Variants in ATP11A observed in about 807,000 individuals in gnomAD.
ATP11A encodes ATPase phospholipid transporting 11A.
A neutral mutation model predicts 154.4 loss-of-function variants in ATP11A; 81 were observed. That is an observed-to-expected ratio of 0.52 (90% CI 0.44 to 0.63). The LOEUF (loss-of-function observed/expected upper bound fraction) is 0.63. Among genes scored for constraint, ATP11A ranks in the 30% least tolerant of loss-of-function variants. The probability of loss-of-function intolerance (pLI) is 0.00; values close to 1 mark genes in which losing one functional copy is unlikely to be tolerated. For synonymous variants in ATP11A, 623 were observed against 585.9 expected (o/e 1.06, Z -0.91); for missense variants, 1,316 against 1,474.3 (o/e 0.89, Z 1.76).
chr13:112,871,532 G>A (rs1177473272), intron 25 of ATP11A, among the ~76,000 whole-genome samples: 1 of 152,102 alleles, frequency 6.6e-6, no homozygotes, highest in African/African-American at 2.4e-5. Context: ...AGATGCAGCC[G>A]GGAAATGGGG....
intron 1 of ATP11A, among the ~76,000 whole-genome samples, chr13:112,713,251 T>G (rs1887971017): frequency 2.6e-5 from 4 of 152,100 alleles, no homozygotes. Flanking sequence ...AAAAATTTGC[T>G]GGGCATGGTG....
chr13:112,855,505 A>T (rs1376878804), intron 19 of ATP11A, among the ~76,000 whole-genome samples: 1 of 152,172 alleles, frequency 6.6e-6, no homozygotes, highest in Non-Finnish European at 1.5e-5. Context: ...CCCAGCAAAG[A>T]GGAGATTATG....
chr13:112,778,655 C>CGCTGGAGTGAGGAGTAGCT (rs2077408256), intron 1 of ATP11A, among the ~76,000 whole-genome samples: 2 of 147,832 alleles, frequency 1.4e-5, no homozygotes, highest in Admixed American at 6.7e-5. Flanking sequence ...GAGGAGTAGC[C>CGCTGGAGTGAGGAGTAGCT]GCTGGAGTGA....
At chr13:112,803,787 C>CCTTCTCTCATTCCCCT in intron 2 of ATP11A, among the ~76,000 whole-genome samples, 1 of 112,932 alleles carries the variant, frequency 8.9e-6, no homozygotes, top group East Asian at 2.7e-4. Flanking sequence ...TCCCTCCCCT[C>CCTTCTCTCATTCCCCT]CCTGCCTTAC....
intron 1 of ATP11A, among the ~76,000 whole-genome samples, chr13:112,712,579 G>T (rs1166585634): frequency 1.3e-5 from 2 of 152,264 alleles, no homozygotes; most frequent in East Asian, 1.9e-4. Flanking sequence ...TCTCTACTGT[G>T]GGTGATGGTC....
chr13:112,736,496 A>AG (rs1891016072), intron 1 of ATP11A, among the ~76,000 whole-genome samples: 1 of 152,174 alleles, frequency 6.6e-6, no homozygotes. Context: ...CTACAATATA[A>AG]GGGGGCCTGA....
chr13:112,759,374 G>A (rs1008121090), intron 1 of ATP11A, among the ~76,000 whole-genome samples: 3 of 152,202 alleles, frequency 2.0e-5, no homozygotes, highest in African/African-American at 7.2e-5. Flanking sequence ...GCAGAGTCCG[G>A]AGACTTCTGA....
At chr13:112,822,520 AGAGT>A (rs2078825081) in intron 8 of ATP11A, among the ~76,000 whole-genome samples, 1 of 152,128 alleles carries the variant, frequency 6.6e-6, no homozygotes, top group Non-Finnish European at 1.5e-5. Flanking sequence ...ATGGCCAGAT[AGAGT>A]ATCAGCCTTT....
At chr13:112,876,639 C>A (rs552031660) in intron 28 of ATP11A, among the ~76,000 whole-genome samples, 1 of 152,216 alleles carries the variant, frequency 6.6e-6, no homozygotes, top group African/African-American at 2.4e-5. Flanking sequence ...GTTTCATCCC[C>A]GAAATTTCCA....
intron 1 of ATP11A, among the ~76,000 whole-genome samples, chr13:112,711,747 T>G (rs1209822433): frequency 6.6e-6 from 1 of 152,220 alleles, no homozygotes; most frequent in Admixed American, 6.5e-5. Flanking sequence ...CAGGCTTGAA[T>G]TGCTAGTGTT....
chr13:112,748,715 G>A (rs1457622711), intron 1 of ATP11A, among the ~76,000 whole-genome samples: 5 of 152,152 alleles, frequency 3.3e-5, no homozygotes, highest in Admixed American at 2.6e-4. Flanking sequence ...CTGTTAATCC[G>A]AAATAAGCAA....
intron 1 of ATP11A, among the ~76,000 whole-genome samples, chr13:112,705,684 A>T (rs1371939290): frequency 6.6e-6 from 1 of 152,228 alleles, no homozygotes; most frequent in Non-Finnish European, 1.5e-5. Context: ...GCAGGTGTCG[A>T]CTGCCCCTTT....
intron 1 of ATP11A, among the ~76,000 whole-genome samples, chr13:112,761,431 A>G (rs557702559): frequency 6.6e-5 from 10 of 152,158 alleles, no homozygotes; most frequent in Non-Finnish European, 1.3e-4. Context: ...GTTCTATTTT[A>G]TTATTAGTTA....
At chr13:112,743,212 C>T (rs1226745513) in intron 1 of ATP11A, among the ~76,000 whole-genome samples, 3 of 152,146 alleles carry the variant, frequency 2.0e-5, no homozygotes, top group Admixed American at 6.5e-5. Flanking sequence ...GGGTGGGAAA[C>T]GTGTATTTTC....
intron 1 of ATP11A, among the ~76,000 whole-genome samples, chr13:112,780,927 G>C (rs1386574635): frequency 6.6e-6 from 1 of 152,162 alleles, no homozygotes; most frequent in Non-Finnish European, 1.5e-5. Flanking sequence ...GGAACGCGGA[G>C]AGAGAGAGGC....
chr13:112,878,494 T>C, intron 29 of ATP11A, 191 bp downstream of exon 29: 1 of 621,800 alleles, frequency 1.6e-6, no homozygotes, highest in Non-Finnish European at 2.8e-6. Flanking sequence ...GGGCTGTGCT[T>C]TCCATCAGTC....
rs958998108 is a variant in ATP11A, at chr13:112,690,038, A to T, written c.-379A>T. Among the ~76,000 whole-genome samples the T allele has an allele frequency of 6.7e-6, 1 of 148,646 alleles. No homozygotes were observed. The highest frequency in any genetic ancestry group is 6.7e-5 in the Admixed American group (1 of 14,996). On this transcript the variant is annotated 5_prime_UTR_variant, in exon 1 of 30. Coordinates refer to ENST00000375645, the MANE Select transcript of ATP11A (RefSeq NM_015205.3). This position sits in a 1 kb window ranked among gnomAD's most constrained non-coding sequence, Gnocchi z 5.6. ...GGAGCCAGCGGGGCCCGGAGGCTCC[A>T]GAGGGCGGCGGGCAGGGGAGGAGGA...
At chr13:112,803,747 T>TC (rs1323536852) in intron 2 of ATP11A, among the ~76,000 whole-genome samples, 2 of 99,892 alleles carry the variant, frequency 2.0e-5, no homozygotes, top group African/African-American at 4.7e-5. Context: ...TTCCCCTCCT[T>TC]CTCTCATTCC....
Position 112,884,145 on chromosome 13 carries a change from TTTA to T in ATP11A, c.*2282_*2284del, listed in dbSNP as rs1266120639. 6.6e-6 allele frequency: 1 copy of T among 152,572 alleles called. No homozygotes were observed. Among genetic ancestry groups the T allele is most frequent in the Admixed American group, 6.5e-5 (1 of 15,282 alleles). The allele number at this position is 152,572 out of a possible 1,614,324, so 9.5% of individuals were successfully genotyped here. ...ATGAATGCGAATTTTCAGATTTGAT[TTTA>T]TTCTCTACACACACCTCTTCTTTTC... On this transcript the variant is annotated 3_prime_UTR_variant, in exon 30 of 30. Coordinates refer to ENST00000375645, the MANE Select transcript of ATP11A (RefSeq NM_015205.3).
Sources: gnomAD v4.1 joint callset for allele counts (sites outside exome capture counted in the v4.1 genomes callset) on GRCh38, gnomAD v4.1.1 for gene constraint, Gnocchi (gnomAD v3.1) non-coding constraint, MANE v1.5 for transcripts, NCBI Gene and HGNC (gene_info 2026-07-23, HGNC 2026-07-21) for gene names.